The following TFEC variants were observed in gnomAD, a reference collection of about 807,000 sequenced individuals.
The protein encoded by TFEC is transcription factor EC.
Under a neutral mutation model 41.6 loss-of-function variants are expected in TFEC, and 31 were observed. The ratio of observed to expected loss-of-function variants is 0.74; its 90% CI spans 0.56 to 1.01. The LOEUF (loss-of-function observed/expected upper bound fraction) is 1.01, where lower values mean the gene tolerates loss of function less well. Among genes scored for constraint, TFEC ranks in the 50% least tolerant of loss-of-function variants. The probability of loss-of-function intolerance (pLI) is 0.00; values close to 1 mark genes in which losing one functional copy is unlikely to be tolerated. For synonymous variants in TFEC, 143 were observed against 140.6 expected (o/e 1.02, Z -0.12); for missense variants, 402 against 404.1 (o/e 0.99, Z 0.04).
At chr7:116,103,331 A>T (rs1797645766) in intron 3 of TFEC, among the ~76,000 whole-genome samples, 1 of 152,170 alleles carries the variant, frequency 6.6e-6, no homozygotes, top group Non-Finnish European at 1.5e-5. Context: ...TAGAAGATGA[A>T]AAGTGATTCT....
chr7:116,100,048 T>C (rs1290840718), intron 3 of TFEC, among the ~76,000 whole-genome samples: 6 of 152,224 alleles, frequency 3.9e-5, no homozygotes, highest in Admixed American at 2.0e-4. Context: ...CTAATTTGTA[T>C]ATTGTATTTT....
In TFEC at chr7:115,937,255, T is replaced by C. The variant is rs945087851; in HGVS notation, c.*3296A>G. The C allele has an allele frequency of 6.6e-6, 1 of 151,770 alleles. No homozygotes were observed. Among genetic ancestry groups the C allele is most frequent in the Non-Finnish European group, 1.5e-5 (1 of 67,740 alleles). 9.4% of individuals were successfully genotyped at this position (151,770 alleles called of 1,614,324 possible). A position where few individuals can be genotyped will look rare whatever the true frequency, so the allele number is the denominator to read the frequency against. On this transcript the variant is annotated 3_prime_UTR_variant, in exon 8 of 8. Coordinates refer to ENST00000265440, the MANE Select transcript of TFEC (RefSeq NM_012252.4). ...AATTAAATCTTTAAATGAAAAGGGATAATTGTATATTAATTGAATGAATAA... is the reference window on the plus strand; with the variant it reads ...AATTAAATCTTTAAATGAAAAGGGACAATTGTATATTAATTGAATGAATAA...
intron 1 of TFEC, among the ~76,000 whole-genome samples, chr7:116,156,445 A>C (rs917482047): frequency 3.9e-5 from 6 of 152,216 alleles, no homozygotes; most frequent in African/African-American, 1.4e-4. Flanking sequence ...AACCACAATT[A>C]GCAAAAGACA....
chr7:116,114,685 A>G (rs907610179), intron 1 of TFEC, among the ~76,000 whole-genome samples: 1 of 151,942 alleles, frequency 6.6e-6, no homozygotes, highest in African/African-American at 2.4e-5. Flanking sequence ...TTGGTCAAAG[A>G]CCTTTCTTCT....
chr7:115,982,012 C>T (rs1014379527), intron 2 of TFEC, among the ~76,000 whole-genome samples: 4 of 152,054 alleles, frequency 2.6e-5, no homozygotes, highest in African/African-American at 9.7e-5. Context: ...TCAGAAAGAC[C>T]CATGTTACAA....
intron 3 of TFEC, among the ~76,000 whole-genome samples, chr7:115,964,172 T>G (rs1463830122): frequency 2.6e-5 from 4 of 151,632 alleles, no homozygotes; most frequent in African/African-American, 9.7e-5. Context: ...TAGAAAAATA[T>G]TACTTAGTAA....
At chr7:115,941,059 G>T in intron 7 of TFEC, 128 bp from the exon 8 acceptor site, 1 of 862,328 alleles carries the variant, frequency 1.2e-6, no homozygotes, top group Non-Finnish European at 1.7e-6. Context: ...TACAAATTAT[G>T]AATAATCTTT....
chr7:115,946,836 C>T (rs192369465), intron 6 of TFEC, among the ~76,000 whole-genome samples: 3 of 151,034 alleles, frequency 2.0e-5, no homozygotes, highest in Admixed American at 2.0e-4. Context: ...GTGCCTGGCC[C>T]ACAAGTATCA....
chr7:116,127,369 C>T (rs2116273316), intron 1 of TFEC, among the ~76,000 whole-genome samples: 1 of 152,184 alleles, frequency 6.6e-6, no homozygotes, highest in East Asian at 1.9e-4. Flanking sequence ...AGGCGTGAGC[C>T]ACCGCGCCCA....
chr7:115,940,806 T>A lies in TFEC; in HGVS notation c.789A>T (p.Gln263His), dbSNP rs200004203. 1 of 1,613,556 alleles carries A rather than the reference T, an allele frequency of 6.2e-7. No individual in the cohort carries two copies. The highest frequency in any genetic ancestry group is 1.3e-5 in the African/African-American group (1 of 74,968). ...HPEQNSVDYC[Q>H]QLTVSQGPSP... ...TTGGCCCCTGAGACACAGTCAGTTG[T>A]TGGCAATAGTCTACTGAATTCTGCT... The change falls in exon 8 of 8, where the codon CAA becomes CAT. Residue 263 changes from glutamine (Q) to histidine (H), a missense_variant. Physicochemically the swap from Gln to His is conservative, Grantham distance 24. Transcript: ENST00000265440.
chr7:116,097,125 T>C (rs553824975), intron 3 of TFEC, among the ~76,000 whole-genome samples: 13 of 149,764 alleles, frequency 8.7e-5, no homozygotes, highest in African/African-American at 3.2e-4. Flanking sequence ...AAAAAGAAAG[T>C]GGGCAGGATA....
At chr7:115,977,270 C>A (rs1231695704) in intron 2 of TFEC, among the ~76,000 whole-genome samples, 1 of 151,698 alleles carries the variant, frequency 6.6e-6, no homozygotes, top group Non-Finnish European at 1.5e-5. Flanking sequence ...AAATTAAGAT[C>A]ATAAGAATAC....
chr7:115,965,364 T>A (rs547022919), intron 3 of TFEC, among the ~76,000 whole-genome samples: 1 of 151,714 alleles, frequency 6.6e-6, no homozygotes, highest in Non-Finnish European at 1.5e-5. Context: ...ACATGTAGAA[T>A]GATTCTATAC....
intron 2 of TFEC, among the ~76,000 whole-genome samples, chr7:115,977,803 A>G (rs547748132): frequency 1.3e-5 from 2 of 152,130 alleles, no homozygotes; most frequent in East Asian, 1.9e-4. Context: ...ATAAATATCA[A>G]TTCAGAAAGG....
At chr7:116,023,083 CAAAAA>C (rs10714429) in intron 1 of TFEC, among the ~76,000 whole-genome samples, 1 of 135,114 alleles carries the variant, frequency 7.4e-6, no homozygotes. Flanking sequence ...GTTCTTCCAG[CAAAAA>C]AAAAAAAAAG....
intron 1 of TFEC, among the ~76,000 whole-genome samples, chr7:116,025,950 A>G (rs1266638562): frequency 6.6e-6 from 1 of 152,238 alleles, no homozygotes; most frequent in Non-Finnish European, 1.5e-5. Context: ...GGATACAGAA[A>G]CACTCTATCA....
At chr7:116,073,879 A>C (rs2131031720) in intron 3 of TFEC, among the ~76,000 whole-genome samples, 1 of 152,094 alleles carries the variant, frequency 6.6e-6, no homozygotes, top group East Asian at 1.9e-4. Context: ...ATAGACATAG[A>C]TCAATAGAAT....
At chr7:116,115,377 T>A (rs763235687) in intron 1 of TFEC, among the ~76,000 whole-genome samples, 1 of 152,030 alleles carries the variant, frequency 6.6e-6, no homozygotes, top group African/African-American at 2.4e-5. Flanking sequence ...AAAGTCAAGA[T>A]GTCAGCAGGA....
chr7:116,083,445 G>C (rs1450683493), intron 3 of TFEC, among the ~76,000 whole-genome samples: 2 of 151,724 alleles, frequency 1.3e-5, no homozygotes, highest in Non-Finnish European at 2.9e-5. Context: ...AATATGTTAG[G>C]AATTTCTCAC....
Sources: allele counts gnomAD v4.1 joint callset (sites outside exome capture counted in the v4.1 genomes callset), GRCh38; gene constraint gnomAD v4.1.1; transcripts MANE v1.5; gene names NCBI Gene and HGNC (gene_info 2026-07-23, HGNC 2026-07-21).